Variants in JADE2 observed in about 807,000 individuals in gnomAD.
The protein encoded by JADE2 is E3 ubiquitin-protein ligase Jade-2.
In JADE2, 13 loss-of-function variants were observed where a neutral mutation model predicts 85.7. The ratio of observed to expected loss-of-function variants is 0.15; its 90% CI spans 0.10 to 0.24. The LOEUF (loss-of-function observed/expected upper bound fraction) is 0.24, where lower values mean the gene tolerates loss of function less well. Among genes scored for constraint, JADE2 ranks in the 10% least tolerant of loss-of-function variants. JADE2 has a pLI of 1.00. For synonymous variants in JADE2, 440 were observed against 456.1 expected (o/e 0.96, Z 0.45); for missense variants, 846 against 1,115.9 (o/e 0.76, Z 3.45).
At chr5:134,576,935 T>A (rs1259427212) in intron 11 of JADE2, 39 bp downstream of exon 11, 1 of 1,502,232 alleles carries the variant, frequency 6.7e-7, no homozygotes, top group East Asian at 2.5e-5. Context: ...CACGGCAGGC[T>A]TGACCATCAC....
At chr5:134,539,285 G>A (rs954988025) in intron 3 of JADE2, among the ~76,000 whole-genome samples, 6 of 152,122 alleles carry the variant, frequency 3.9e-5, no homozygotes, top group East Asian at 3.9e-4. Flanking sequence ...GGATGGTCTC[G>A]ACCTCCTGAC....
chr5:134,544,150 C>T (rs559260090), intron 3 of JADE2, among the ~76,000 whole-genome samples: 1 of 152,364 alleles, frequency 6.6e-6, no homozygotes, highest in Non-Finnish European at 1.5e-5. Context: ...TTCAGGAAGT[C>T]AGAGTCCCCA....
chr5:134,528,747 A>G (rs1049950940), intron 1 of JADE2, among the ~76,000 whole-genome samples: 1 of 152,196 alleles, frequency 6.6e-6, no homozygotes, highest in African/African-American at 2.4e-5. Flanking sequence ...CAGGACTTGC[A>G]GTGAATATTG....
chr5:134,533,907 T>C (rs1156728595), intron 1 of JADE2, among the ~76,000 whole-genome samples: 2 of 152,074 alleles, frequency 1.3e-5, no homozygotes. Context: ...CCACTACAAC[T>C]GGCTAATTTT....
chr5:134,566,283 A>G lies in JADE2; in HGVS notation c.1137A>G (p.Glu379=). The change falls in exon 9 of 12, where the codon GAA becomes GAG. Residue 379 remains glutamate (E), a synonymous_variant. Coordinates refer to ENST00000681547, the MANE Select transcript of JADE2 (RefSeq NM_001388185.1). This position sits in a 1 kb window ranked among gnomAD's most constrained non-coding sequence, Gnocchi z 6.7. ...ATGAGCCCACATCTGAGCCCACGGA[A>G]CCCAGCCAGGCTGGCGAGGACCTGG... is the stretch of plus-strand genomic sequence containing the variant. ...PRNEPTSEPT[E]PSQAGEDLEK... 6.2e-7 allele frequency: 1 copy of G among 1,613,838 alleles called. No homozygotes were observed. The highest frequency in any genetic ancestry group is 8.5e-7 in the Non-Finnish European group (1 of 1,179,990).
chr5:134,530,389 T>C (rs568288330), intron 1 of JADE2, among the ~76,000 whole-genome samples: 96 of 152,330 alleles, frequency 6.3e-4, no homozygotes, highest in African/African-American at 2.2e-3. Context: ...TTTTTTCCCC[T>C]TTTTTTAAAG....
At chr5:134,530,371 G>A (rs1391748288) in intron 1 of JADE2, among the ~76,000 whole-genome samples, 1 of 152,256 alleles carries the variant, frequency 6.6e-6, no homozygotes, top group African/African-American at 2.4e-5. Flanking sequence ...TTGCCTGCTT[G>A]AAAGCCCTTT....
chr5:134,559,916 G>T lies in JADE2; in HGVS notation c.398G>T (p.Gly133Val). 1 of 1,614,014 alleles carries T rather than the reference G, an allele frequency of 6.2e-7. No homozygotes were observed. The highest frequency in any genetic ancestry group is 8.5e-7 in the Non-Finnish European group (1 of 1,179,942). Residue 133 changes from glycine (G) to valine (V), a missense_variant, in exon 5 of 12, where the codon GGG (glycine) becomes GTG (valine). Physicochemically the swap from Gly to Val is moderately radical, Grantham distance 109 (BLOSUM62 -3). Coordinates refer to ENST00000681547, the MANE Select transcript of JADE2 (RefSeq NM_001388185.1). ...LGEGSQPDWP[G>V]GSRYDLDEID... Reference sequence around the variant, plus strand: ...GAGGGCTCCCAGCCTGATTGGCCAGGGGGCAGCCGCTATGACTTGGACGAG... The same window carrying T: ...GAGGGCTCCCAGCCTGATTGGCCAGTGGGCAGCCGCTATGACTTGGACGAG...
At chr5:134,538,216 G>A in intron 3 of JADE2, 133 bp downstream of exon 3, 2 of 651,668 alleles carry the variant, frequency 3.1e-6, no homozygotes, top group Non-Finnish European at 5.4e-6. Context: ...GTGGAATGAA[G>A]GGGAGTAGGG....
At position 134,566,058 on chromosome 5, in the gene JADE2, C is replaced by T; in HGVS notation, c.970-58C>T. The T allele has an allele frequency of 1.4e-6, 2 of 1,463,416 alleles. No homozygotes were observed. Among genetic ancestry groups the T allele is most frequent in the East Asian group, 4.5e-5 (2 of 44,068 alleles). 90.7% of individuals were successfully genotyped at this position (1,463,416 alleles called of 1,614,324 possible). ...AGAGCCCTGGGGGAAGCCCCTCTGT[C>T]TTCTCCCCTCCCACCAGGCTCCCTC... is the stretch of plus-strand genomic sequence containing the variant. On this transcript the variant is annotated intron_variant, in intron 8 of 11. Transcript: ENST00000681547. The surrounding 1 kb of genome is among the most constrained non-coding windows in gnomAD (Gnocchi z 6.7).
At chr5:134,524,739 C>G (rs1279306188), upstream of JADE2, among the ~76,000 whole-genome samples, 1 of 152,190 alleles carries the variant, frequency 6.6e-6, no homozygotes, top group Non-Finnish European at 1.5e-5. Context: ...AATGGGGACC[C>G]TCTCTACGGA....
chr5:134,557,225 A>T (rs1359486361), intron 4 of JADE2, among the ~76,000 whole-genome samples: 18 of 144,300 alleles, frequency 1.2e-4, no homozygotes, highest in African/African-American at 4.7e-4. Context: ...GATGATGATT[A>T]TTATTTTTTT....
At chr5:134,547,616 C>G (rs1325897003) in intron 3 of JADE2, among the ~76,000 whole-genome samples, 1 of 152,202 alleles carries the variant, frequency 6.6e-6, no homozygotes, top group East Asian at 1.9e-4. Context: ...AAATTCAACA[C>G]AAAATGATGT....
At chr5:134,541,155 A>G (rs547826530) in intron 3 of JADE2, among the ~76,000 whole-genome samples, 21 of 152,326 alleles carry the variant, frequency 1.4e-4, no homozygotes, top group Middle Eastern at 6.8e-3. Flanking sequence ...AGAAGGGCCA[A>G]TGAAGTCCTC....
rs576588794 is a variant in JADE2, at chr5:134,542,858, G to T, written c.153+4775G>T. On this transcript the variant is annotated intron_variant, in intron 3 of 11. Coordinates refer to ENST00000681547, the MANE Select transcript of JADE2 (RefSeq NM_001388185.1). ...AGAGATTCTCTTGCCTCAGCCTCCC[G>T]AATAGCTGGGACTACCGGCACTTGC... Among the ~76,000 whole-genome samples the T allele has an allele frequency of 5.3e-5, 8 of 151,266 alleles. No homozygotes were observed. The South Asian group carries it at 1.7e-3, about 32-fold the overall frequency.
chr5:134,552,092 A>C lies in JADE2; in HGVS notation c.194A>C (p.Asp65Ala), dbSNP rs1157727295. 1 of 1,613,996 alleles carries C rather than the reference A, an allele frequency of 6.2e-7. No homozygotes were observed. ...TDLITAMKIP[D>A]SYQLSPDDYY... ...TTGATCACAGCCATGAAGATCCCGG[A>C]CTCATACCAGCTCAGCCCGGATGAC... The change falls in exon 4 of 12, where the codon GAC becomes GCC. Residue 65 changes from aspartate to alanine, a missense_variant. Asp to Ala is a moderately radical substitution (Grantham distance 126). Coordinates refer to ENST00000681547, the MANE Select transcript of JADE2 (RefSeq NM_001388185.1).
intron 3 of JADE2, among the ~76,000 whole-genome samples, chr5:134,547,535 AT>A (rs1241109783): frequency 3.3e-5 from 5 of 152,178 alleles, no homozygotes; most frequent in Non-Finnish European, 1.5e-5. Context: ...TTTATTCTTT[AT>A]TTAGTTTTCA....
intron 1 of JADE2, among the ~76,000 whole-genome samples, chr5:134,535,097 A>G (rs913666336): frequency 1.3e-5 from 2 of 152,202 alleles, no homozygotes; most frequent in Non-Finnish European, 2.9e-5. Context: ...CTGGTTAGGA[A>G]CAGGAGATGA....
At position 134,579,622 on chromosome 5, in the gene JADE2, C is replaced by T. The variant is rs1231258924; in HGVS notation, c.*305C>T. ...CCTGGCTAGATGCAAGCAAGGTGGA[C>T]AAGAGCTCAGGACTCCAGCCCACTG... On this transcript the variant is annotated 3_prime_UTR_variant, in exon 12 of 12. Transcript: ENST00000681547. The surrounding 1 kb of genome is among the most constrained non-coding windows in gnomAD (Gnocchi z 4.6). 2.8e-6 allele frequency: 1 copy of T among 357,576 alleles called. No homozygotes were observed. The highest frequency in any genetic ancestry group is 5.1e-6 in the Non-Finnish European group (1 of 195,344). 22.2% of individuals were successfully genotyped at this position (357,576 alleles called of 1,614,324 possible). A position where few individuals can be genotyped will look rare whatever the true frequency, so the allele number is the denominator to read the frequency against.
Sources: allele counts gnomAD v4.1 joint callset (sites outside exome capture counted in the v4.1 genomes callset), GRCh38; gene constraint gnomAD v4.1.1; non-coding constraint Gnocchi (gnomAD v3.1); transcripts MANE v1.5; gene names NCBI Gene and HGNC (gene_info 2026-07-23, HGNC 2026-07-21).